The following TCF4 variants were observed in gnomAD, a reference collection of about 807,000 sequenced individuals.
TCF4 encodes the protein SL3-3 enhancer factor 2.
In TCF4, 3 loss-of-function variants were observed where a neutral mutation model predicts 82.1. The ratio of observed to expected loss-of-function variants is 0.04; its 90% CI spans 0.02 to 0.09. The LOEUF (loss-of-function observed/expected upper bound fraction) is 0.09. TCF4 is among the 10% of genes least tolerant of loss of function. The pLI is 1.00. For synonymous variants in TCF4, 276 were observed against 309.6 expected, an observed-to-expected ratio of 0.89 and a Z score of 1.14; for missense variants, 518 against 852.7, an observed-to-expected ratio of 0.61 and a Z score of 4.89.
chr18:55,549,401 T>G (rs1404779661), intron 3 of TCF4, among the ~76,000 whole-genome samples: 1 of 152,192 alleles, frequency 6.6e-6, no homozygotes, highest in Non-Finnish European at 1.5e-5. Context: ...CTTGTAAAAC[T>G]TTTTGACTCT....
At chr18:55,457,993 A>T (rs774857296) in intron 5 of TCF4, among the ~76,000 whole-genome samples, 5 of 152,232 alleles carry the variant, frequency 3.3e-5, no homozygotes, top group African/African-American at 1.2e-4. Flanking sequence ...TCTCAAAAGG[A>T]AAGAGTAGTC....
intron 5 of TCF4, among the ~76,000 whole-genome samples, chr18:55,416,224 G>A (rs764880023): frequency 6.6e-6 from 1 of 151,962 alleles, no homozygotes; most frequent in Non-Finnish European, 1.5e-5. Context: ...TTCCAAGCTT[G>A]TTGAAACAAT....
chr18:55,436,075 T>C (rs912890896), intron 5 of TCF4, among the ~76,000 whole-genome samples: 1 of 152,226 alleles, frequency 6.6e-6, no homozygotes, highest in African/African-American at 2.4e-5. Context: ...AAACTGATAG[T>C]AATCACTACA....
At chr18:55,555,363 G>T (rs1172527534) in intron 3 of TCF4, among the ~76,000 whole-genome samples, 1 of 152,182 alleles carries the variant, frequency 6.6e-6, no homozygotes, top group African/African-American at 2.4e-5. Context: ...AGACTGAGAA[G>T]TTTTCAAATT....
intron 3 of TCF4, chr18:55,550,373 C>T (rs559994868): frequency 6.6e-6 from 1 of 152,188 alleles, no homozygotes; most frequent in Non-Finnish European, 1.5e-5. Flanking sequence ...GGCCCGTTTA[C>T]CATCCCAGCA....
chr18:55,473,671 T>C (rs1021658303), intron 3 of TCF4, among the ~76,000 whole-genome samples: 1 of 152,206 alleles, frequency 6.6e-6, no homozygotes, highest in Non-Finnish European at 1.5e-5. Flanking sequence ...GCCAATTTTC[T>C]CTGTACTTAG....
chr18:55,585,858 A>G, intron 2 of TCF4: 1 of 1,165,610 alleles, frequency 8.6e-7, no homozygotes, highest in East Asian at 4.5e-5. Context: ...AATTTGAAGC[A>G]AGACTCTCTC....
chr18:55,536,157 T>C lies in TCF4; in HGVS notation c.145+49123A>G, dbSNP rs756689935. 8.6e-4 allele frequency among the ~76,000 whole-genome samples: 131 copies of C among 152,332 alleles called. 1 individual carries two copies. The highest frequency in any genetic ancestry group is 1.5e-3 in the Non-Finnish European group (103 of 68,024). Reference sequence around the variant, plus strand: ...TATAGTACTCCCATTGGCAAATATATAGAAACAACATCAATGCTAATTTTT... The same window carrying C: ...TATAGTACTCCCATTGGCAAATATACAGAAACAACATCAATGCTAATTTTT... On this transcript the variant is annotated intron_variant, in intron 3 of 19. Transcript: ENST00000354452.
intron 5 of TCF4, among the ~76,000 whole-genome samples, chr18:55,433,545 T>C (rs1201103036): frequency 6.6e-6 from 1 of 152,242 alleles, no homozygotes; most frequent in African/African-American, 2.4e-5. Context: ...GTACCACAGA[T>C]ACAAAGACCA....
intron 5 of TCF4, among the ~76,000 whole-genome samples, chr18:55,451,514 T>G (rs2095623085): frequency 6.6e-6 from 1 of 152,226 alleles, no homozygotes; most frequent in African/African-American, 2.4e-5. Flanking sequence ...CCCTGTAAGA[T>G]GTGCACTGCT....
intron 5 of TCF4, among the ~76,000 whole-genome samples, chr18:55,429,996 T>C (rs1478942782): frequency 6.6e-6 from 1 of 152,060 alleles, no homozygotes. Flanking sequence ...TTTTTGCATA[T>C]GGACGACTGG....
At chr18:55,462,576 A>G (rs552484562) in intron 4 of TCF4, among the ~76,000 whole-genome samples, 4 of 152,352 alleles carry the variant, frequency 2.6e-5, no homozygotes, top group African/African-American at 7.2e-5. Flanking sequence ...GACAGCTAAC[A>G]AAAACCAAAA....
chr18:55,244,113 A>G (rs146221153), intron 15 of TCF4, among the ~76,000 whole-genome samples: 1 of 152,286 alleles, frequency 6.6e-6, no homozygotes, highest in East Asian at 1.9e-4. Flanking sequence ...AATAACCTCC[A>G]GCTCCCAGGG....
chr18:55,542,649 C>A (rs913942207), intron 3 of TCF4, among the ~76,000 whole-genome samples: 13 of 151,904 alleles, frequency 8.6e-5, no homozygotes, highest in African/African-American at 2.9e-4. Context: ...ACAGATAGAA[C>A]AATAGCCAAC....
At chr18:55,286,024 C>A (rs1236575791) in intron 8 of TCF4, among the ~76,000 whole-genome samples, 1 of 152,154 alleles carries the variant, frequency 6.6e-6, no homozygotes, top group Non-Finnish European at 1.5e-5. Context: ...CCAAACAACA[C>A]ACCATGGAAG....
chr18:55,529,452 TGA>T lies in TCF4; in HGVS notation c.145+55826_145+55827del, dbSNP rs139701789. The stretch of plus-strand genomic sequence containing the variant: ...TATTTTTCTATAGGCAAAGAAGCAG[TGA>T]GAGAGAGAACGAGAGAATGTATGAA... On this transcript the variant is annotated intron_variant, in intron 3 of 19. Transcript: ENST00000354452. 4.4e-3 allele frequency among the ~76,000 whole-genome samples: 671 copies of T among 152,242 alleles called. 4 individuals are homozygous for T. The highest frequency in any genetic ancestry group is 0.015 in the African/African-American group (636 of 41,544).
intron 3 of TCF4, among the ~76,000 whole-genome samples, chr18:55,535,295 T>C (rs1483316694): frequency 6.6e-6 from 1 of 152,184 alleles, no homozygotes; most frequent in Non-Finnish European, 1.5e-5. Flanking sequence ...CCTATGAAGA[T>C]ATAAGGGTCT....
At chr18:55,406,663 T>C (rs560552749) in intron 5 of TCF4, among the ~76,000 whole-genome samples, 1 of 152,336 alleles carries the variant, frequency 6.6e-6, no homozygotes, top group East Asian at 1.9e-4. Flanking sequence ...ATGTCAGGCA[T>C]GGATTTTTGT....
intron 5 of TCF4, among the ~76,000 whole-genome samples, chr18:55,455,248 T>G (rs1002286104): frequency 7.1e-6 from 1 of 141,054 alleles, no homozygotes; most frequent in Non-Finnish European, 1.6e-5. Flanking sequence ...AAGGAAGAAG[T>G]AGAAGAAAGA....
Sources: gnomAD v4.1 joint callset for allele counts (sites outside exome capture counted in the v4.1 genomes callset) on GRCh38, gnomAD v4.1.1 for gene constraint, MANE v1.5 for transcripts, NCBI Gene and HGNC (gene_info 2026-07-23, HGNC 2026-07-21) for gene names.